TSPAN3: variants seen among roughly 807,000 people sequenced by gnomAD.
The protein encoded by TSPAN3 is tetraspanin-3.
In TSPAN3, 9 loss-of-function variants were observed where a neutral mutation model predicts 31.1. The ratio of observed to expected loss-of-function variants is 0.29; its 90% CI spans 0.17 to 0.50. The LOEUF is 0.50. Among genes scored for constraint, TSPAN3 ranks in the 20% least tolerant of loss-of-function variants. TSPAN3 has a pLI of 0.98. For missense variants in TSPAN3, 252 were observed against 313.5 expected, an observed-to-expected ratio of 0.80 and a Z score of 1.48; for synonymous variants, 129 against 114.3, an observed-to-expected ratio of 1.13 and a Z score of -0.82.
In TSPAN3 at chr15:77,070,582, C is replaced by CGGG. The variant is rs146229066; in HGVS notation, c.63+307_63+309dup. 1.0e-3 allele frequency among the ~76,000 whole-genome samples: 153 copies of CGGG among 149,218 alleles called. No individual in the cohort carries two copies. The Middle Eastern group carries it at 0.01, about 10-fold the overall frequency. On this transcript the variant is annotated intron_variant, in intron 1 of 6. Transcript: ENST00000267970. ...GCGCTCTCCGTCCAGCCGGCGACTCCGGGGGGGGGAGACTGGGGCGCCTGG... is the reference window on the plus strand; with the variant it reads ...GCGCTCTCCGTCCAGCCGGCGACTCCGGGGGGGGGGGGAGACTGGGGCGCCTGG...
At chr15:77,063,354 A>C (rs1169647414) in intron 1 of TSPAN3, 2 of 151,962 alleles carry the variant, frequency 1.3e-5, no homozygotes, top group Non-Finnish European at 2.9e-5. Flanking sequence ...GTGTTTTTTT[A>C]ACTCACCACT....
At chr15:77,054,591 A>G (rs934949945) in intron 3 of TSPAN3, 1 of 169,896 alleles carries the variant, frequency 5.9e-6, no homozygotes, top group Non-Finnish European at 1.3e-5. Flanking sequence ...TAGATGTCCT[A>G]AATTATAAAT....
At chr15:77,068,715 A>G (rs2076848496) in intron 1 of TSPAN3, among the ~76,000 whole-genome samples, 1 of 152,206 alleles carries the variant, frequency 6.6e-6, no homozygotes, top group South Asian at 2.1e-4. Flanking sequence ...GATAAATAAA[A>G]AATAAGTGAG....
At chr15:77,049,861 TA>T (rs755908459) in intron 6 of TSPAN3, among the ~76,000 whole-genome samples, 2 of 152,344 alleles carry the variant, frequency 1.3e-5, no homozygotes, top group East Asian at 1.9e-4. Flanking sequence ...TTTATCCAGC[TA>T]AAGTGTCAAT....
intron 1 of TSPAN3, chr15:77,069,902 T>C (rs958999427): frequency 1.3e-5 from 2 of 152,192 alleles, no homozygotes; most frequent in Non-Finnish European, 2.9e-5. Context: ...AGAGGCAAGG[T>C]GATTTGGGAC....
intron 1 of TSPAN3, among the ~76,000 whole-genome samples, chr15:77,068,589 G>A (rs2076847666): frequency 6.6e-6 from 1 of 152,114 alleles, no homozygotes; most frequent in Non-Finnish European, 1.5e-5. Flanking sequence ...GAACTGTAAA[G>A]AGTACAAAGC....
Position 77,071,030 on chromosome 15 carries a change from C to A in TSPAN3, c.-76G>T, listed in dbSNP as rs950984979. On this transcript the variant is annotated 5_prime_UTR_variant, in exon 1 of 7. Coordinates refer to ENST00000267970, the MANE Select transcript of TSPAN3 (RefSeq NM_005724.6). ...CGAGAGAGCGGCAATGGCGGCGGCG[C>A]CTCCTCGCTAGGAACTGCACGGCCT... The A allele has an allele frequency of 7.9e-6, 9 of 1,135,418 alleles. No homozygotes were observed. In the African/African-American group the frequency reaches 1.2e-4, roughly 15 times the overall value. 70.3% of individuals were successfully genotyped at this position (1,135,418 alleles called of 1,614,324 possible).
chr15:77,061,252 G>A (rs2076798771), intron 1 of TSPAN3, among the ~76,000 whole-genome samples: 2 of 152,184 alleles, frequency 1.3e-5, no homozygotes, highest in African/African-American at 4.8e-5. Flanking sequence ...TCTGGGCCAG[G>A]CGCAGTAGCT....
intron 1 of TSPAN3, among the ~76,000 whole-genome samples, chr15:77,061,371 T>C (rs1238945927): frequency 6.6e-6 from 1 of 151,852 alleles, no homozygotes; most frequent in Non-Finnish European, 1.5e-5. Flanking sequence ...CTACTAAAAA[T>C]ACAAAATTAG....
rs1234684952 is a variant in TSPAN3, at chr15:77,041,669, G to A, written c.*5166C>T. On this transcript the variant is annotated 3_prime_UTR_variant, in exon 7 of 7. Coordinates refer to ENST00000267970, the MANE Select transcript of TSPAN3 (RefSeq NM_005724.6). Reference sequence around the variant, plus strand: ...CAAAGTGCTATGATTACAGGCATGAGCCACTGCACCCAGCCAAACATGACT... The same window carrying A: ...CAAAGTGCTATGATTACAGGCATGAACCACTGCACCCAGCCAAACATGACT... 6.6e-6 allele frequency: 1 copy of A among 152,140 alleles called. No individual in the cohort carries two copies. The highest frequency in any genetic ancestry group is 1.5e-5 in the Non-Finnish European group (1 of 68,038). The allele number at this position is 152,140 out of a possible 1,614,324, so 9.4% of individuals were successfully genotyped here.
At chr15:77,053,719 G>T (rs1304433502) in intron 4 of TSPAN3, among the ~76,000 whole-genome samples, 2 of 152,076 alleles carry the variant, frequency 1.3e-5, no homozygotes, top group African/African-American at 2.4e-5. Flanking sequence ...CAAGGTCGGG[G>T]TGCAAACATC....
Position 77,059,631 on chromosome 15 carries a change from T to A in TSPAN3, c.64-3376A>T, listed in dbSNP as rs532692680. On this transcript the variant is annotated intron_variant, in intron 1 of 6. Coordinates refer to ENST00000267970, the MANE Select transcript of TSPAN3 (RefSeq NM_005724.6). ...TTCTCTATCCTTTAATGTTGTAGGT[T>A]TTTTTTACTCTAAAAGGCAGTATTT... Among the ~76,000 whole-genome samples the A allele has an allele frequency of 1.1e-4, 16 of 152,304 alleles. No homozygotes were observed. The South Asian group carries it at 3.1e-3, about 30-fold the overall frequency.
chr15:77,043,932 GGA>G lies in TSPAN3; in HGVS notation c.*2901_*2902del, dbSNP rs766612537. On this transcript the variant is annotated 3_prime_UTR_variant, in exon 7 of 7. Transcript: ENST00000267970. ...GGGAGAGACAGGGGGTTGGCGCAAGGGAGAGAGAACGCACACACATTTGAGAA... is the reference window on the plus strand; with the variant it reads ...GGGAGAGACAGGGGGTTGGCGCAAGGGAGAGAACGCACACACATTTGAGAA... 11 of 152,254 alleles carry G rather than the reference GGA, an allele frequency of 7.2e-5. No individual in the cohort carries two copies. The highest frequency in any genetic ancestry group is 7.2e-4 in the Admixed American group (11 of 15,258). The allele number at this position is 152,254 out of a possible 1,614,324, so 9.4% of individuals were successfully genotyped here. A position where few individuals can be genotyped will look rare whatever the true frequency, so the allele number is the denominator to read the frequency against.
At chr15:77,069,407 T>C (rs780685382) in intron 1 of TSPAN3, among the ~76,000 whole-genome samples, 11 of 152,212 alleles carry the variant, frequency 7.2e-5, no homozygotes, top group Non-Finnish European at 1.5e-4. Flanking sequence ...TGGTTCTATA[T>C]GTGCATTTCA....
rs2076691807 is a variant in TSPAN3 at position 77,046,475 on chromosome 15, A to G, written c.*360T>C. On this transcript the variant is annotated 3_prime_UTR_variant, in exon 7 of 7. Transcript: ENST00000267970. The stretch of plus-strand genomic sequence containing the variant: ...CTTTGGCCAAGAGTTCTCCACTGTG[A>G]AGACTGAAAGGACCTGGTGACATTT... 1.2e-5 allele frequency: 5 copies of G among 415,338 alleles called. No individual in the cohort carries two copies. Among genetic ancestry groups the G allele is most frequent in the Non-Finnish European group, 2.1e-5 (5 of 235,036 alleles). The allele number at this position is 415,338 out of a possible 1,614,324, so 25.7% of individuals were successfully genotyped here.
At chr15:77,066,674 T>C (rs116553139) in intron 1 of TSPAN3, among the ~76,000 whole-genome samples, 1,933 of 145,592 alleles carry the variant, frequency 0.013, 46 homozygotes, top group African/African-American at 0.047. Context: ...CCAGCATGAA[T>C]ACACTTATAT....
At chr15:77,058,048 A>T (rs974133460) in intron 1 of TSPAN3, among the ~76,000 whole-genome samples, 2 of 151,914 alleles carry the variant, frequency 1.3e-5, no homozygotes, top group East Asian at 1.9e-4. Flanking sequence ...CAAAACTTCA[A>T]CTTTACTTCC....
At chr15:77,051,685 G>GAAA (rs76151770) in intron 6 of TSPAN3, among the ~76,000 whole-genome samples, 169 of 137,834 alleles carry the variant, frequency 1.2e-3, no homozygotes, top group African/African-American at 3.9e-3. Context: ...CCCATTTCTG[G>GAAA]AAAAAAAAAA....
Position 77,044,179 on chromosome 15 carries a change from G to A in TSPAN3, c.*2656C>T, listed in dbSNP as rs929048647. 6.6e-6 allele frequency: 1 copy of A among 152,354 alleles called. No homozygotes were observed. The highest frequency in any genetic ancestry group is 1.9e-4 in the East Asian group (1 of 5,186). The allele number at this position is 152,354 out of a possible 1,614,324, so 9.4% of individuals were successfully genotyped here. On this transcript the variant is annotated 3_prime_UTR_variant, in exon 7 of 7. Coordinates refer to ENST00000267970, the MANE Select transcript of TSPAN3 (RefSeq NM_005724.6). ...CCCTAGAGCACCTTAGATGCTCTGGGACCCAGGCATCTGTAGTTCTCAAAG... is the reference window on the plus strand; with the variant it reads ...CCCTAGAGCACCTTAGATGCTCTGGAACCCAGGCATCTGTAGTTCTCAAAG...
Sources: allele counts gnomAD v4.1 joint callset (sites outside exome capture counted in the v4.1 genomes callset), GRCh38; gene constraint gnomAD v4.1.1; transcripts MANE v1.5; gene names NCBI Gene and HGNC (gene_info 2026-07-23, HGNC 2026-07-21).